The following PSG7 variants were observed in gnomAD, a reference collection of about 807,000 sequenced individuals.
PSG7 encodes the protein pregnancy specific beta-1-glycoprotein 7, also known as pregnancy-specific beta-1-glycoprotein 7.
Under a neutral mutation model 45.6 loss-of-function variants are expected in PSG7, and 57 were observed. The ratio of observed to expected loss-of-function variants is 1.25; its 90% CI spans 1.01 to 1.56. PSG7 has a LOEUF of 1.56. Among genes scored for constraint, PSG7 ranks in the 40% most tolerant of loss-of-function variants. The pLI, the probability that PSG7 is intolerant of heterozygous loss-of-function variation, is 0.00. For missense variants in PSG7, 796 were observed against 508.4 expected, an observed-to-expected ratio of 1.57 and a Z score of -5.44; for synonymous variants, 298 against 194.4, an observed-to-expected ratio of 1.53 and a Z score of -4.43.
intron 2 of PSG7, among the ~76,000 whole-genome samples, chr19:42,930,793 G>A (rs144439985): frequency 5.3e-5 from 8 of 151,568 alleles, no homozygotes; most frequent in African/African-American, 1.9e-4. Context: ...TGTTCCGTGG[G>A]TGTGTGGTTT....
chr19:42,929,337 G>A (rs1345168701), intron 3 of PSG7, 105 bp downstream of exon 3: 6 of 1,599,170 alleles, frequency 3.8e-6, no homozygotes, highest in Non-Finnish European at 4.3e-6. Context: ...ATGTCCAGGG[G>A]TAAAGGTCTA....
At position 42,925,861 on chromosome 19, in the gene PSG7, A is replaced by G. The variant is rs544491212; in HGVS notation, c.1155T>C (p.Thr385=). Residue 385 remains threonine, a synonymous_variant, in exon 5 of 6, where the codon ACT becomes ACC. Transcript: ENST00000406070. ...AAGCATAGAGCCCGCTATGCTTTGT[A>G]GTAATCTGGGGGATAGAAAGCTTTT... ...SGQKLSIPQI[T]TKHSGLYACS... is the part of the protein sequence containing the mutation. The G allele has an allele frequency of 1.2e-6, 2 of 1,612,100 alleles. No homozygotes were observed. The highest frequency in any genetic ancestry group is 1.7e-6 in the Non-Finnish European group (2 of 1,179,070).
In PSG7 at chr19:42,924,540, G is replaced by C. The variant is rs1600559596; in HGVS notation, c.*268C>G. The C allele has an allele frequency of 1.7e-6, 1 of 595,768 alleles. No homozygotes were observed. The highest frequency in any genetic ancestry group is 2.7e-5 in the East Asian group (1 of 36,402). The allele number at this position is 595,768 out of a possible 1,614,324, so 36.9% of individuals were successfully genotyped here. On this transcript the variant is annotated 3_prime_UTR_variant, in exon 6 of 6. Transcript: ENST00000406070. Reference sequence around the variant, plus strand: ...CTAAGAGGGGTGAGAGCCTCATCATGATGGGGAGTCTTATTCTGACATCTT... The same window carrying C: ...CTAAGAGGGGTGAGAGCCTCATCATCATGGGGAGTCTTATTCTGACATCTT...
intron 2 of PSG7, among the ~76,000 whole-genome samples, chr19:42,934,080 G>A (rs1217994610): frequency 3.3e-5 from 5 of 151,476 alleles, no homozygotes; most frequent in African/African-American, 7.3e-5. Context: ...GCCTGTGCTG[G>A]TGCAGGGTGT....
chr19:42,937,204 T>A lies in PSG7; in HGVS notation c.-128A>T. The A allele has an allele frequency of 7.2e-7, 1 of 1,381,384 alleles. No individual in the cohort carries two copies. The highest frequency in any genetic ancestry group is 9.8e-7 in the Non-Finnish European group (1 of 1,018,940). 85.6% of individuals were successfully genotyped at this position (1,381,384 alleles called of 1,614,324 possible). A position where few individuals can be genotyped will look rare whatever the true frequency, so the allele number is the denominator to read the frequency against. On this transcript the variant is annotated 5_prime_UTR_variant, in exon 1 of 6. The change creates a new upstream start codon in the 5' untranslated region. Transcript: ENST00000406070. The stretch of plus-strand genomic sequence containing the variant: ...GAGCCTCTTCCCGGGGCAGGAGCAC[T>A]TCTCAAGCTCATGGGTGGGGTCAGG...
chr19:42,933,307 A>ATTTTT (rs397965905), intron 2 of PSG7, among the ~76,000 whole-genome samples: 247 of 13,492 alleles, frequency 0.018, 50 homozygotes, highest in Non-Finnish European at 0.03. Context: ...ATATATATAT[A>ATTTTT]TTTTTTTTTT....
At chr19:42,926,893 A>G (rs1972906429) in intron 3 of PSG7, 177 bp from the exon 4 acceptor site, 2 of 1,211,234 alleles carry the variant, frequency 1.7e-6, no homozygotes, top group South Asian at 3.0e-5. Context: ...AAAGACTGTG[A>G]GGCCACCTGC....
chr19:42,926,468 G>C lies in PSG7; in HGVS notation c.958C>G (p.Arg320Gly). The change falls in exon 4 of 6, where the codon CGC (arginine) becomes GGC (glycine). Residue 320 changes from arginine to glycine, a missense_variant. Coordinates refer to ENST00000406070, the MANE Select transcript of PSG7 (RefSeq NM_002783.3). ...ACATTCAGGGTGACTGGGTCACTGCGGATGCCACCATATCGGTCCCGTATT... is the reference window on the plus strand; with the variant it reads ...ACATTCAGGGTGACTGGGTCACTGCCGATGCCACCATATCGGTCCCGTATT... The part of the protein sequence containing the change: ...CEIRDRYGGI[R>G]SDPVTLNVLY... 2 of 1,611,588 alleles carry C rather than the reference G, an allele frequency of 1.2e-6. No individual in the cohort carries two copies. The highest frequency in any genetic ancestry group is 1.7e-6 in the Non-Finnish European group (2 of 1,178,998).
chr19:42,931,800 G>A (rs577711702), intron 2 of PSG7, among the ~76,000 whole-genome samples: 2 of 151,500 alleles, frequency 1.3e-5, no homozygotes, highest in Admixed American at 6.6e-5. Context: ...GTATGTTACA[G>A]CCTTTGTAGT....
Position 42,933,303 on chromosome 19 carries a change from A to ATTTTT in PSG7, c.430+2100_430+2101insAAAAA, listed in dbSNP as rs1418931958. Reference sequence around the variant, plus strand: ...TATATATATATATATATATATATATATATATTTTTTTTTTTTTTTGGTGTA... The same window carrying ATTTTT: ...TATATATATATATATATATATATATATTTTTTATATTTTTTTTTTTTTTTGGTGTA... On this transcript the variant is annotated intron_variant, in intron 2 of 5. Coordinates refer to ENST00000406070, the MANE Select transcript of PSG7 (RefSeq NM_002783.3). 6.3e-3 allele frequency among the ~76,000 whole-genome samples: 94 copies of ATTTTT among 14,820 alleles called. 1 individual carries two copies. Among genetic ancestry groups the ATTTTT allele is most frequent in the Non-Finnish European group, 0.012 (84 of 6,744 alleles). 9.7% of individuals were successfully genotyped at this position (14,820 alleles called of 152,430 possible).
intron 3 of PSG7, chr19:42,927,233 AG>A (rs1157039407): frequency 5.9e-6 from 1 of 168,722 alleles, no homozygotes; most frequent in Non-Finnish European, 1.3e-5. Flanking sequence ...ATGTTTCAGC[AG>A]AAATAACACA....
intron 1 of PSG7, 66 bp downstream of exon 1, chr19:42,936,947 C>T: frequency 1.9e-6 from 3 of 1,594,876 alleles, no homozygotes; most frequent in Non-Finnish European, 2.6e-6. Context: ...CCCATCCTCT[C>T]TAGGAGACCC....
intron 2 of PSG7, among the ~76,000 whole-genome samples, chr19:42,931,210 G>C (rs1973012363): frequency 6.6e-6 from 1 of 151,556 alleles, no homozygotes; most frequent in Admixed American, 6.6e-5. Flanking sequence ...TTCATTAGTG[G>C]AAATTTTTAC....
chr19:42,925,449 A>G, intron 5 of PSG7: 2 of 627,994 alleles, frequency 3.2e-6, no homozygotes, highest in South Asian at 2.7e-5. Context: ...AAATTTCCAT[A>G]AATCTAGAAA....
rs782642468 is a variant in PSG7, at chr19:42,935,705, T to C, written c.129A>G (p.Pro43=). The change falls in exon 2 of 6, where the codon CCA becomes CCG. Residue 43 remains proline, a synonymous_variant. Coordinates refer to ENST00000406070, the MANE Select transcript of PSG7 (RefSeq NM_002783.3). ...TAQVTIEAQP[P]KVSEGKDVLL... ...GAACATCCTTCCCCTCGGAAACTTT[T>C]GGTGGCTGGGCTTCAATCGTGACTT... 2 of 1,611,820 alleles carry C rather than the reference T, an allele frequency of 1.2e-6. No homozygotes were observed. The highest frequency in any genetic ancestry group is 3.3e-5 in the Admixed American group (2 of 59,778).
At chr19:42,926,813 C>G (rs73553538) in intron 3 of PSG7, 97 bp from the exon 4 acceptor site, 1 of 1,545,072 alleles carries the variant, frequency 6.5e-7, no homozygotes, top group East Asian at 2.3e-5. Flanking sequence ...CCTGTCAACA[C>G]GTGTGAGTCC....
chr19:42,932,548 G>A (rs1568459051), intron 2 of PSG7, among the ~76,000 whole-genome samples: 2 of 151,514 alleles, frequency 1.3e-5, no homozygotes, highest in Non-Finnish European at 1.5e-5. Flanking sequence ...TCCAGCCTCT[G>A]ACACCCTGAT....
Position 42,926,573 on chromosome 19 carries a change from T to A in PSG7, c.853A>T (p.Arg285Trp). 6.2e-7 allele frequency: 1 copy of A among 1,610,438 alleles called. No homozygotes were observed. The highest frequency in any genetic ancestry group is 1.1e-5 in the South Asian group (1 of 90,524). The change falls in exon 4 of 6, where the codon AGG becomes TGG. Residue 285 changes from arginine to tryptophan, a missense_variant. By Grantham distance (101) the Arg-to-Trp change is moderately radical. Coordinates refer to ENST00000406070, the MANE Select transcript of PSG7 (RefSeq NM_002783.3). ...LNGQSLPVSP[R>W]VKRRIENRIL... ...CTGTTTTCAATGCGTCGCTTTACCCTGGGACTGACCGGGAGGCTCTGACCA... is the reference window on the plus strand; with the variant it reads ...CTGTTTTCAATGCGTCGCTTTACCCAGGGACTGACCGGGAGGCTCTGACCA...
chr19:42,925,939 G>A lies in PSG7; in HGVS notation c.1077C>T (p.Asn359=). 2 of 1,612,210 alleles carry A rather than the reference G, an allele frequency of 1.2e-6. No homozygotes were observed. The highest frequency in any genetic ancestry group is 2.2e-5 in the South Asian group (2 of 90,630). ...NLYLSCFADS[N]PPAQYSWTIN... ...TTGTCCAAGAATACTGTGCCGGTGG[G>A]TTAGAGTCCGCAAAGCAGGACAAGT... is the stretch of plus-strand genomic sequence containing the variant. The change falls in exon 5 of 6, where the codon AAC becomes AAT. Residue 359 remains asparagine (N), a synonymous_variant. Coordinates refer to ENST00000406070, the MANE Select transcript of PSG7 (RefSeq NM_002783.3).
Sources: allele counts gnomAD v4.1 joint callset (sites outside exome capture counted in the v4.1 genomes callset), GRCh38; gene constraint gnomAD v4.1.1; transcripts MANE v1.5; gene names NCBI Gene and HGNC (gene_info 2026-07-23, HGNC 2026-07-21).